The following PRKCE variants were observed in gnomAD, a reference collection of about 807,000 sequenced individuals.
PRKCE encodes the protein protein kinase C epsilon type.
PRKCE carries 16 observed loss-of-function variants against 85.4 expected under a neutral mutation model. The observed-to-expected ratio is 0.19, with a 90% CI of 0.13 to 0.28. The LOEUF is 0.28. PRKCE is among the 10% of genes least tolerant of loss of function. PRKCE has a pLI of 1.00. For synonymous variants in PRKCE, 388 were observed against 371.5 expected (o/e 1.04, Z -0.51); for missense variants, 573 against 975.2 (o/e 0.59, Z 5.49).
chr2:45,996,789 C>G (rs1288146876), intron 6 of PRKCE, among the ~76,000 whole-genome samples: 1 of 152,036 alleles, frequency 6.6e-6, no homozygotes, highest in Non-Finnish European at 1.5e-5. Flanking sequence ...AGTTATTGAT[C>G]TGTAGATTTT....
intron 2 of PRKCE, among the ~76,000 whole-genome samples, chr2:45,912,889 C>T (rs928797862): frequency 6.6e-6 from 1 of 152,116 alleles, no homozygotes; most frequent in African/African-American, 2.4e-5. Context: ...CGCCAGAGCC[C>T]AGAATGAAGT....
intron 1 of PRKCE, among the ~76,000 whole-genome samples, chr2:45,666,396 C>T: frequency 6.6e-6 from 1 of 152,072 alleles, no homozygotes; most frequent in African/African-American, 2.4e-5. Context: ...GTCTGCTCAT[C>T]CCTCCAGACA....
intron 2 of PRKCE, among the ~76,000 whole-genome samples, chr2:45,951,402 G>C (rs982774271): frequency 4.6e-5 from 7 of 152,138 alleles, no homozygotes; most frequent in African/African-American, 1.4e-4. Context: ...GCAAGTCTTT[G>C]GGCTTTCATA....
At chr2:45,948,731 T>C (rs1376815032) in intron 2 of PRKCE, among the ~76,000 whole-genome samples, 1 of 152,190 alleles carries the variant, frequency 6.6e-6, no homozygotes, top group Admixed American at 6.5e-5. Context: ...GCTCTTTCTG[T>C]CTGCCCAGAG....
At chr2:46,180,410 G>T (rs1156382129) in intron 14 of PRKCE, among the ~76,000 whole-genome samples, 1 of 152,174 alleles carries the variant, frequency 6.6e-6, no homozygotes, top group Non-Finnish European at 1.5e-5. Context: ...GTGAGCGAAA[G>T]AACTCAGGAC....
At chr2:45,816,144 C>A (rs1435052511) in intron 1 of PRKCE, among the ~76,000 whole-genome samples, 1 of 152,186 alleles carries the variant, frequency 6.6e-6, no homozygotes, top group African/African-American at 2.4e-5. Context: ...CTACCAAAAT[C>A]CCTACAGTCA....
At chr2:45,857,307 A>G (rs1224757820) in intron 2 of PRKCE, among the ~76,000 whole-genome samples, 1 of 152,250 alleles carries the variant, frequency 6.6e-6, no homozygotes, top group African/African-American at 2.4e-5. Flanking sequence ...AAAATGCATT[A>G]CAAAATCCCC....
rs11417233 is a variant in PRKCE at position 46,135,746 on chromosome 2, C to CTTTTTTTTTTTTTTTTTT, written c.1593-9337_1593-9320dup. ...ACCTTGGGTTCAGAAACAAATTATG[C>CTTTTTTTTTTTTTTTTTT]TTTTTTTTTTTTTTTTTTTTTTTTT... On this transcript the variant is annotated intron_variant, in intron 11 of 14. Coordinates refer to ENST00000306156, the MANE Select transcript of PRKCE (RefSeq NM_005400.3). 2.9e-4 allele frequency among the ~76,000 whole-genome samples: 6 copies of CTTTTTTTTTTTTTTTTTT among 20,666 alleles called. 3 individuals are homozygous for CTTTTTTTTTTTTTTTTTT. Among genetic ancestry groups the CTTTTTTTTTTTTTTTTTT allele is most frequent in the African/African-American group, 1.0e-3 (4 of 3,870 alleles). 13.6% of individuals were successfully genotyped at this position (20,666 alleles called of 152,430 possible). A position where few individuals can be genotyped will look rare whatever the true frequency, so the allele number is the denominator to read the frequency against.
intron 11 of PRKCE, among the ~76,000 whole-genome samples, chr2:46,102,971 A>G (rs1186513791): frequency 1.3e-5 from 2 of 152,240 alleles, no homozygotes; most frequent in Non-Finnish European, 2.9e-5. Context: ...AGTATTATAT[A>G]AAGCCCACAC....
intron 1 of PRKCE, among the ~76,000 whole-genome samples, chr2:45,802,994 T>C (rs1031203916): frequency 6.6e-6 from 1 of 152,238 alleles, no homozygotes; most frequent in Non-Finnish European, 1.5e-5. Context: ...GCAACTTAGA[T>C]TGGAGCCATT....
At chr2:45,744,485 CTTT>C (rs374409953) in intron 1 of PRKCE, among the ~76,000 whole-genome samples, 5 of 27,114 alleles carry the variant, frequency 1.8e-4, no homozygotes, top group African/African-American at 5.6e-4. Context: ...TTCTTTCTTT[CTTT>C]TTCTTTCTTT....
chr2:45,954,340 C>T (rs1179053653), intron 2 of PRKCE, among the ~76,000 whole-genome samples: 1 of 152,172 alleles, frequency 6.6e-6, no homozygotes, highest in Non-Finnish European at 1.5e-5. Flanking sequence ...GAAGAGCAGA[C>T]AATTTTCTTG....
chr2:46,051,795 G>T (rs1244251549), intron 10 of PRKCE, among the ~76,000 whole-genome samples: 1 of 152,188 alleles, frequency 6.6e-6, no homozygotes, highest in African/African-American at 2.4e-5. Context: ...AAGAAAAGAG[G>T]TTTAATTGTC....
intron 2 of PRKCE, among the ~76,000 whole-genome samples, chr2:45,900,763 C>A (rs1696515626): frequency 6.6e-6 from 1 of 152,182 alleles, no homozygotes. Context: ...ACCATTTTAA[C>A]CACGTTTGTG....
intron 6 of PRKCE, 39 bp downstream of exon 6, chr2:45,984,719 C>G: frequency 1.9e-6 from 3 of 1,574,424 alleles, no homozygotes; most frequent in Non-Finnish European, 2.6e-6. Context: ...CCCTGCATGT[C>G]CCCTTCCTTG....
At chr2:46,090,310 G>A (rs1445313309) in intron 11 of PRKCE, among the ~76,000 whole-genome samples, 1 of 152,154 alleles carries the variant, frequency 6.6e-6, no homozygotes, top group Non-Finnish European at 1.5e-5. Flanking sequence ...ACCTCTTCAA[G>A]CACTCCAGCT....
chr2:46,070,431 C>CA (rs1194331445), intron 10 of PRKCE, among the ~76,000 whole-genome samples: 2 of 152,170 alleles, frequency 1.3e-5, no homozygotes, highest in Non-Finnish European at 2.9e-5. Context: ...ATCACGAGGT[C>CA]AGGAGATCAA....
chr2:45,984,553 G>C lies in PRKCE; in HGVS notation c.696G>C (p.Val232=). The change falls in exon 6 of 15, where the codon GTG becomes GTC. Residue 232 remains valine (V), a splice_region_variant and synonymous_variant. Transcript: ENST00000306156. ...CCTGTATCTTGCCATCCCTGCAGGT[G>C]GGCTCCCAGCGGTTCAGCGTCAACA... is the stretch of plus-strand genomic sequence containing the variant. ...GLKKQETPDQ[V]GSQRFSVNMP... 6.3e-7 allele frequency: 1 copy of C among 1,599,552 alleles called. No homozygotes were observed. Among genetic ancestry groups the C allele is most frequent in the Non-Finnish European group, 8.5e-7 (1 of 1,179,836 alleles).
At chr2:45,990,903 C>A (rs975177998) in intron 6 of PRKCE, among the ~76,000 whole-genome samples, 3 of 152,088 alleles carry the variant, frequency 2.0e-5, no homozygotes, top group Non-Finnish European at 4.4e-5. Context: ...CTCAAGTGAT[C>A]CGTCCTCCTC....
Sources: allele counts gnomAD v4.1 joint callset (sites outside exome capture counted in the v4.1 genomes callset), GRCh38; gene constraint gnomAD v4.1.1; transcripts MANE v1.5; gene names NCBI Gene and HGNC (gene_info 2026-07-23, HGNC 2026-07-21).